Variants in RANBP2 observed in about 807,000 individuals in gnomAD.
RANBP2 encodes E3 SUMO-protein ligase RanBP2.
A neutral mutation model predicts 303.6 loss-of-function variants in RANBP2; 57 were observed. That is an observed-to-expected ratio of 0.19 (90% confidence interval 0.15 to 0.23). The LOEUF (loss-of-function observed/expected upper bound fraction) is 0.23, where lower values mean the gene tolerates loss of function less well. RANBP2 is among the 10% of genes least tolerant of loss of function. RANBP2 has a pLI of 1.00. For synonymous variants in RANBP2, 1,167 were observed against 1,301.5 expected (o/e 0.90, Z 2.23); for missense variants, 3,138 against 3,780.8 (o/e 0.83, Z 4.46).
the RANBP2 span, among the ~76,000 whole-genome samples, chr2:109,575,497 G>A: frequency 6.6e-6 from 1 of 152,224 alleles, no homozygotes; most frequent in Non-Finnish European, 1.5e-5. Flanking sequence ...TGGAAATGCA[G>A]TCTTCCTTCT....
chr2:109,777,290 A>G, the RANBP2 span, among the ~76,000 whole-genome samples: 3 of 148,842 alleles, frequency 2.0e-5, no homozygotes, highest in Admixed American at 6.9e-5. Context: ...TTCTACATGT[A>G]TTGAGATGGT....
the RANBP2 span, among the ~76,000 whole-genome samples, chr2:109,334,284 G>C: frequency 2.0e-5 from 3 of 148,438 alleles, no homozygotes; most frequent in Non-Finnish European, 4.4e-5. Context: ...CTTGAGCCCA[G>C]GAAGTCAAGG....
the RANBP2 span, among the ~76,000 whole-genome samples, chr2:109,254,065 T>C: frequency 1.7e-4 from 26 of 151,928 alleles, no homozygotes; most frequent in Admixed American, 8.5e-4. Flanking sequence ...CTTGAAGGGG[T>C]GCTTTTTCTG....
the RANBP2 span, among the ~76,000 whole-genome samples, chr2:108,946,713 AC>A: frequency 6.6e-6 from 1 of 152,170 alleles, no homozygotes; most frequent in Non-Finnish European, 1.5e-5. Flanking sequence ...TACATATCAA[AC>A]AACCAGATCT....
chr2:109,302,628 A>G, the RANBP2 span, among the ~76,000 whole-genome samples: 1 of 152,234 alleles, frequency 6.6e-6, no homozygotes, highest in Admixed American at 6.5e-5. Flanking sequence ...GGGATTAGCC[A>G]GCCCAGGCCG....
the RANBP2 span, chr2:109,614,144 G>C: frequency 2.5e-6 from 3 of 1,200,384 alleles, no homozygotes; most frequent in East Asian, 6.9e-5. Flanking sequence ...CCAGGAAGAC[G>C]GCGCGAGGAA....
At chr2:108,955,881 T>C in the RANBP2 span, among the ~76,000 whole-genome samples, 1 of 151,222 alleles carries the variant, frequency 6.6e-6, no homozygotes, top group Non-Finnish European at 1.5e-5. Context: ...TACAAAAAAT[T>C]AGCCGGGCAT....
chr2:109,714,254 TTGTGTGTGTG>T, the RANBP2 span, among the ~76,000 whole-genome samples: 4 of 149,440 alleles, frequency 2.7e-5, 1 homozygote, highest in Non-Finnish European at 6.0e-5. Context: ...CCTGGCTAAT[TTGTGTGTGTG>T]TGTGTGTGTG....
intron 25 of RANBP2, 39 bp from the exon 26 acceptor site, chr2:108,781,230 A>C: frequency 6.2e-7 from 1 of 1,605,078 alleles, no homozygotes; most frequent in Middle Eastern, 1.7e-4. Context: ...AATGTAAAAA[A>C]TAGATACTAG....
At chr2:109,724,034 C>A in the RANBP2 span, among the ~76,000 whole-genome samples, 1 of 152,148 alleles carries the variant, frequency 6.6e-6, no homozygotes, top group Admixed American at 6.6e-5. Flanking sequence ...AATCCTTCCC[C>A]CATTGCTTGT....
chr2:109,516,259 C>T, the RANBP2 span, among the ~76,000 whole-genome samples: 2 of 152,172 alleles, frequency 1.3e-5, no homozygotes, highest in Non-Finnish European at 2.9e-5. Context: ...CTAAGTCCCA[C>T]CCCCTGTGCC....
At chr2:109,018,562 G>A in the RANBP2 span, among the ~76,000 whole-genome samples, 1 of 152,148 alleles carries the variant, frequency 6.6e-6, no homozygotes. Flanking sequence ...AGTGTGCGCT[G>A]ACCCCTGCTC....
the RANBP2 span, among the ~76,000 whole-genome samples, chr2:109,763,770 G>A: frequency 8.0e-5 from 12 of 150,386 alleles, 1 homozygote; most frequent in East Asian, 2.2e-3. Flanking sequence ...TGGCAAAAGA[G>A]AATCTTATTT....
chr2:109,773,229 A>G, the RANBP2 span, among the ~76,000 whole-genome samples: 2 of 151,302 alleles, frequency 1.3e-5, no homozygotes, highest in Non-Finnish European at 2.9e-5. Context: ...GAGGGAAAGC[A>G]GCCGGTGAAG....
At chr2:109,048,054 C>G in the RANBP2 span, among the ~76,000 whole-genome samples, 1 of 152,224 alleles carries the variant, frequency 6.6e-6, no homozygotes, top group Non-Finnish European at 1.5e-5. Context: ...TCCCAATCAG[C>G]TGTTAATAGC....
chr2:109,583,440 A>G, the RANBP2 span, among the ~76,000 whole-genome samples: 9,819 of 152,276 alleles, frequency 0.064, 753 homozygotes, highest in East Asian at 0.24. Context: ...ACAATGAGAT[A>G]CCATCTCACA....
At chr2:109,562,911 C>CA in the RANBP2 span, among the ~76,000 whole-genome samples, 1 of 145,858 alleles carries the variant, frequency 6.9e-6, no homozygotes, top group East Asian at 2.0e-4. Flanking sequence ...ACACACAATG[C>CA]TTTTTTTTTT....
chr2:109,035,480 C>CT, the RANBP2 span, among the ~76,000 whole-genome samples: 3 of 151,696 alleles, frequency 2.0e-5, no homozygotes, highest in Admixed American at 1.3e-4. Flanking sequence ...TTCCTTATCA[C>CT]CCCCCACCCC....
the RANBP2 span, among the ~76,000 whole-genome samples, chr2:109,143,109 A>G: frequency 6.6e-6 from 1 of 152,202 alleles, no homozygotes; most frequent in Admixed American, 6.5e-5. Flanking sequence ...GATGGCCACA[A>G]GGTAACCTCA....
Sources: allele counts gnomAD v4.1 joint callset (sites outside exome capture counted in the v4.1 genomes callset), GRCh38; gene constraint gnomAD v4.1.1; transcripts MANE v1.5; gene names NCBI Gene and HGNC (gene_info 2026-07-23, HGNC 2026-07-21).